The following PDE3A variants were observed in gnomAD, a reference collection of about 807,000 sequenced individuals.
PDE3A encodes phosphodiesterase 3A.
In PDE3A, 43 loss-of-function variants were observed where a neutral mutation model predicts 98.3. The ratio of observed to expected loss-of-function variants is 0.44; its 90% CI spans 0.34 to 0.56. The LOEUF (loss-of-function observed/expected upper bound fraction) is 0.56, where lower values mean the gene tolerates loss of function less well. Among genes scored for constraint, PDE3A ranks in the 20% least tolerant of loss-of-function variants. PDE3A has a pLI of 0.01. For missense variants in PDE3A, 1,427 were observed against 1,440.7 expected, an observed-to-expected ratio of 0.99 and a Z score of 0.15; for synonymous variants, 663 against 567.9, an observed-to-expected ratio of 1.17 and a Z score of -2.38.
At chr12:20,518,126 G>T (rs1031340290) in intron 1 of PDE3A, among the ~76,000 whole-genome samples, 1 of 152,112 alleles carries the variant, frequency 6.6e-6, no homozygotes, top group Admixed American at 6.6e-5. Context: ...GAGACACAAC[G>T]TATTTGCCCC....
chr12:20,621,847 A>G (rs913089768), intron 5 of PDE3A, among the ~76,000 whole-genome samples: 1 of 152,220 alleles, frequency 6.6e-6, no homozygotes, highest in Non-Finnish European at 1.5e-5. Flanking sequence ...TAAGAATAAT[A>G]AAGCTTTAAA....
intron 1 of PDE3A, chr12:20,551,692 G>A: frequency 8.1e-6 from 13 of 1,612,246 alleles, no homozygotes; most frequent in South Asian, 4.4e-5. Flanking sequence ...TGTTCCCAGC[G>A]AGGACGAGTG....
intron 1 of PDE3A, among the ~76,000 whole-genome samples, chr12:20,384,293 T>C (rs1235283403): frequency 6.6e-6 from 1 of 151,306 alleles, no homozygotes; most frequent in East Asian, 1.9e-4. Context: ...TACATGGAAA[T>C]AAATTCTAAT....
chr12:20,568,767 C>G (rs1343508094), intron 2 of PDE3A, among the ~76,000 whole-genome samples: 1 of 151,870 alleles, frequency 6.6e-6, no homozygotes, highest in Non-Finnish European at 1.5e-5. Context: ...ACATTATTCC[C>G]ATTAATAGAT....
Position 20,369,468 on chromosome 12 carries a change from T to A in PDE3A, c.184T>A (p.Ser62Thr), listed in dbSNP as rs555148758. Residue 62 changes from serine to threonine, a missense_variant, in exon 1 of 16, where the codon TCC becomes ACC. By Grantham distance (58) the Ser-to-Thr change is moderately conservative. Transcript: ENST00000359062. ...LQPLRSSRKL[S>T]SALCAGSLSF... ...GCCGCTCCGGAGCTCTCGGAAACTT[T>A]CCTCCGCGCTGTGCGCGGGCTCCCT... 1 of 1,556,122 alleles carries A rather than the reference T, an allele frequency of 6.4e-7. No homozygotes were observed. Among genetic ancestry groups the A allele is most frequent in the East Asian group, 2.4e-5 (1 of 41,368 alleles).
At chr12:20,467,142 G>A (rs1000407281) in intron 1 of PDE3A, among the ~76,000 whole-genome samples, 1 of 152,080 alleles carries the variant, frequency 6.6e-6, no homozygotes, top group African/African-American at 2.4e-5. Context: ...GGGAGTGAAA[G>A]AAGACTGCTG....
intron 15 of PDE3A, among the ~76,000 whole-genome samples, chr12:20,668,749 A>G (rs1183863443): frequency 6.6e-6 from 1 of 151,368 alleles, no homozygotes; most frequent in African/African-American, 2.4e-5. Context: ...AAGATGGGGA[A>G]AAAACAGAAC....
chr12:20,584,353 G>A (rs1169489886), intron 2 of PDE3A, among the ~76,000 whole-genome samples: 1 of 152,156 alleles, frequency 6.6e-6, no homozygotes, highest in Admixed American at 6.5e-5. Flanking sequence ...ACACCTCTCA[G>A]AATCTCAAAC....
Position 20,686,371 on chromosome 12 carries a change from A to C in PDE3A, c.*6100A>C, listed in dbSNP as rs1945961639. Among the ~76,000 whole-genome samples, 2 of 152,184 alleles carry C rather than the reference A, an allele frequency of 1.3e-5. No individual in the cohort carries two copies. The highest frequency in any genetic ancestry group is 4.8e-5 in the African/African-American group (2 of 41,460). ...TTTATTTTACTAAGTTCTAACACAAAAGGCCAAATACTTATCTTTCCTACT... is the reference window on the plus strand; with the variant it reads ...TTTATTTTACTAAGTTCTAACACAACAGGCCAAATACTTATCTTTCCTACT... On this transcript the variant is annotated 3_prime_UTR_variant, in exon 16 of 16. Transcript: ENST00000359062.
intron 3 of PDE3A, among the ~76,000 whole-genome samples, chr12:20,615,130 G>A (rs1045333191): frequency 3.6e-5 from 5 of 140,822 alleles, no homozygotes; most frequent in African/African-American, 7.9e-5. Context: ...CAAACTCCTC[G>A]TGACCTCAAG....
intron 1 of PDE3A, among the ~76,000 whole-genome samples, chr12:20,380,992 G>T (rs183667361): frequency 1.1e-4 from 17 of 151,824 alleles, no homozygotes; most frequent in Admixed American, 1.1e-3. Flanking sequence ...TTATTCCTAG[G>T]GATTGTTTTC....
intron 1 of PDE3A, among the ~76,000 whole-genome samples, chr12:20,510,305 C>T (rs1946197208): frequency 6.6e-6 from 1 of 151,852 alleles, no homozygotes; most frequent in African/African-American, 2.4e-5. Context: ...AATGTATATT[C>T]TTTTCTGTTG....
intron 15 of PDE3A, among the ~76,000 whole-genome samples, chr12:20,660,765 T>C (rs986801519): frequency 2.0e-5 from 3 of 152,212 alleles, no homozygotes; most frequent in African/African-American, 7.2e-5. Flanking sequence ...CTGAGCAACA[T>C]GGAACTGTGA....
In PDE3A at chr12:20,386,577, G is replaced by C. The variant is rs185719911; in HGVS notation, c.960+16333G>C. Among the ~76,000 whole-genome samples the C allele has an allele frequency of 2.0e-5, 3 of 151,914 alleles. No individual in the cohort carries two copies. The East Asian group carries it at 5.8e-4, about 30-fold the overall frequency. On this transcript the variant is annotated intron_variant, in intron 1 of 15. Coordinates refer to ENST00000359062, the MANE Select transcript of PDE3A (RefSeq NM_000921.5). ...ACTGGTCTCCGTCTCCTGACCTCAAGTGATCCACCTGCCTTGGCCTCCCAA... is the reference window on the plus strand; with the variant it reads ...ACTGGTCTCCGTCTCCTGACCTCAACTGATCCACCTGCCTTGGCCTCCCAA...
chr12:20,600,990 C>T (rs932977224), intron 2 of PDE3A, among the ~76,000 whole-genome samples: 1 of 152,136 alleles, frequency 6.6e-6, no homozygotes, highest in African/African-American at 2.4e-5. Flanking sequence ...ATGCAGTCAT[C>T]ATTTCTCATA....
intron 7 of PDE3A, 56 bp from the exon 8 acceptor site, chr12:20,634,846 T>G: frequency 3.6e-6 from 5 of 1,398,458 alleles, no homozygotes; most frequent in Non-Finnish European, 5.0e-6. Flanking sequence ...TTTGCTTAAA[T>G]GAGCCCCCTT....
rs188907428 is a variant in PDE3A, at chr12:20,575,849, G to A, written c.1011+19139G>A. Among the ~76,000 whole-genome samples the A allele has an allele frequency of 1.4e-3, 219 of 151,692 alleles. 1 individual carries two copies. The highest frequency in any genetic ancestry group is 5.1e-3 in the African/African-American group (210 of 41,396). ...AATCTGATAATTTTTAGTTTCTTAT[G>A]CACCTGATTGAAATAAGGGTCTTTT... On this transcript the variant is annotated intron_variant, in intron 2 of 15. Transcript: ENST00000359062.
At chr12:20,530,145 C>A (rs2121183107) in intron 1 of PDE3A, among the ~76,000 whole-genome samples, 1 of 152,232 alleles carries the variant, frequency 6.6e-6, no homozygotes, top group South Asian at 2.1e-4. Context: ...GTTATTCGAT[C>A]ATTTCTTTCA....
intron 1 of PDE3A, 26 bp from the exon 2 acceptor site, chr12:20,556,634 A>G (rs1353203549): frequency 1.4e-6 from 2 of 1,465,394 alleles, no homozygotes; most frequent in Admixed American, 1.7e-5. Context: ...TAATCATTTA[A>G]CTTATTATAA....
Sources: allele counts gnomAD v4.1 joint callset (sites outside exome capture counted in the v4.1 genomes callset), GRCh38; gene constraint gnomAD v4.1.1; transcripts MANE v1.5; gene names NCBI Gene and HGNC (gene_info 2026-07-23, HGNC 2026-07-21).